Variants in RORB observed in about 807,000 individuals in gnomAD.
The protein encoded by RORB is nuclear receptor ROR-beta.
In RORB, 6 loss-of-function variants were observed where a neutral mutation model predicts 59.1. The ratio of observed to expected loss-of-function variants is 0.10; its 90% CI spans 0.06 to 0.20. RORB has a LOEUF of 0.20. Ranked by LOEUF, RORB falls within the 10% of genes least tolerant of loss-of-function variation. The probability of loss-of-function intolerance (pLI) is 1.00; values close to 1 mark genes in which losing one functional copy is unlikely to be tolerated. For synonymous variants in RORB, 215 were observed against 204.5 expected (o/e 1.05, Z -0.44); for missense variants, 320 against 560.5 (o/e 0.57, Z 4.33).
Position 74,691,144 on chromosome 9 carries a change from A to C in RORB, c.*5526A>C, listed in dbSNP as rs1307913547. 6.6e-6 allele frequency: 1 copy of C among 152,194 alleles called. No individual in the cohort carries two copies. The allele number at this position is 152,194 out of a possible 1,614,324, so 9.4% of individuals were successfully genotyped here. The stretch of plus-strand genomic sequence containing the variant: ...GAAATTCCTCCGATGTGAATGGGCC[A>C]TAGTAATCTTTGCCTCCTGCGTGAC... On this transcript the variant is annotated 3_prime_UTR_variant, in exon 10 of 10. Transcript: ENST00000376896.
chr9:74,632,728 A>G (rs1156625185), intron 2 of RORB, among the ~76,000 whole-genome samples: 3 of 152,198 alleles, frequency 2.0e-5, no homozygotes, highest in Non-Finnish European at 2.9e-5. Context: ...GCACTAGAGT[A>G]TCCAAAGATA....
intron 1 of RORB, among the ~76,000 whole-genome samples, chr9:74,503,129 AG>A (rs1825823917): frequency 6.6e-6 from 1 of 152,228 alleles, no homozygotes; most frequent in African/African-American, 2.4e-5. Context: ...TCTAAAGGAT[AG>A]AAATCAAGCT....
chr9:74,572,445 A>G (rs1293142452), intron 1 of RORB, among the ~76,000 whole-genome samples: 2 of 152,140 alleles, frequency 1.3e-5, no homozygotes, highest in Non-Finnish European at 2.9e-5. Flanking sequence ...CATGCAAGCT[A>G]TTTTTGGAGA....
chr9:74,657,519 C>T (rs72614684), intron 4 of RORB, among the ~76,000 whole-genome samples: 12,700 of 152,130 alleles, frequency 0.083, 908 homozygotes, highest in East Asian at 0.43. Flanking sequence ...ATTCCCTCTA[C>T]CTGGGATACA....
chr9:74,609,270 A>C (rs1823197359), intron 1 of RORB, among the ~76,000 whole-genome samples: 1 of 152,200 alleles, frequency 6.6e-6, no homozygotes, highest in Non-Finnish European at 1.5e-5. Context: ...TAACTTCCCA[A>C]CACTGCATAG....
chr9:74,553,571 A>AC (rs1419925772), intron 1 of RORB, among the ~76,000 whole-genome samples: 7 of 143,902 alleles, frequency 4.9e-5, no homozygotes, highest in Admixed American at 1.4e-4. Flanking sequence ...CAAAAATGTG[A>AC]TTTTTAAATG....
intron 4 of RORB, among the ~76,000 whole-genome samples, chr9:74,644,552 C>G (rs1823864684): frequency 6.6e-6 from 1 of 152,140 alleles, no homozygotes; most frequent in African/African-American, 2.4e-5. Flanking sequence ...AGAGTCCCTC[C>G]ACTCCTCTGT....
intron 1 of RORB, among the ~76,000 whole-genome samples, chr9:74,561,839 T>G (rs1318400334): frequency 6.6e-6 from 1 of 152,242 alleles, no homozygotes; most frequent in African/African-American, 2.4e-5. Flanking sequence ...GTGCATTTAG[T>G]TGATGATGTG....
chr9:74,545,004 G>A (rs549382341), intron 1 of RORB, among the ~76,000 whole-genome samples: 3 of 152,180 alleles, frequency 2.0e-5, no homozygotes, highest in South Asian at 2.1e-4. Flanking sequence ...ATATTGCAGC[G>A]CTTGAATATG....
intron 1 of RORB, among the ~76,000 whole-genome samples, chr9:74,580,775 A>T (rs918790213): frequency 2.0e-5 from 3 of 152,308 alleles, no homozygotes; most frequent in Non-Finnish European, 2.9e-5. Flanking sequence ...TAGTGATGTC[A>T]TCTTACCTTG....
At chr9:74,678,470 C>T (rs1192845703) in intron 9 of RORB, among the ~76,000 whole-genome samples, 6 of 151,924 alleles carry the variant, frequency 3.9e-5, no homozygotes, top group African/African-American at 1.5e-4. Flanking sequence ...TCTATTATAA[C>T]AATAATGAAT....
intron 4 of RORB, among the ~76,000 whole-genome samples, chr9:74,650,134 G>C (rs891290631): frequency 6.6e-6 from 1 of 152,204 alleles, no homozygotes; most frequent in Non-Finnish European, 1.5e-5. Flanking sequence ...AGGAGGTTCT[G>C]CCTGTGACTT....
intron 1 of RORB, among the ~76,000 whole-genome samples, chr9:74,592,036 G>T (rs778561951): frequency 2.6e-5 from 4 of 151,862 alleles, no homozygotes; most frequent in Non-Finnish European, 5.9e-5. Flanking sequence ...TTTTGGTTTC[G>T]CAAAATAGGA....
intron 1 of RORB, among the ~76,000 whole-genome samples, chr9:74,549,831 C>G (rs1467950672): frequency 6.6e-6 from 1 of 151,968 alleles, no homozygotes; most frequent in Admixed American, 6.6e-5. Flanking sequence ...CGGGTTCAAG[C>G]GATTCTCCTG....
intron 6 of RORB, among the ~76,000 whole-genome samples, chr9:74,664,205 G>A (rs1287273511): frequency 6.6e-6 from 1 of 152,114 alleles, no homozygotes; most frequent in Non-Finnish European, 1.5e-5. Flanking sequence ...ATTTAGAATT[G>A]CATCAACAAC....
chr9:74,508,944 C>T (rs1286539402), intron 1 of RORB, among the ~76,000 whole-genome samples: 1 of 151,650 alleles, frequency 6.6e-6, no homozygotes, highest in Non-Finnish European at 1.5e-5. Flanking sequence ...TTTTTGCCAC[C>T]CCTGTATTCG....
At chr9:74,576,542 G>C (rs759722594) in intron 1 of RORB, among the ~76,000 whole-genome samples, 1 of 152,086 alleles carries the variant, frequency 6.6e-6, no homozygotes, top group Non-Finnish European at 1.5e-5. Context: ...CCTTGTACAT[G>C]TCATGATGAT....
At chr9:74,561,844 G>A (rs1372956139) in intron 1 of RORB, among the ~76,000 whole-genome samples, 6 of 152,128 alleles carry the variant, frequency 3.9e-5, no homozygotes, top group African/African-American at 1.4e-4. Context: ...TTTAGTTGAT[G>A]ATGTGTTTCT....
rs905053342 is a variant in RORB at position 74,601,560 on chromosome 9, C to A, written c.8-28722C>A. 2.6e-5 allele frequency among the ~76,000 whole-genome samples: 4 copies of A among 152,192 alleles called. No homozygotes were observed. In the Middle Eastern group the frequency reaches 0.01, roughly 388 times the overall value. Reference sequence around the variant, plus strand: ...ATAAAAGTTTGTCTTCCCTCAAGGACATCACATTAAATTTGGAAGTTTAAA... The same window carrying A: ...ATAAAAGTTTGTCTTCCCTCAAGGAAATCACATTAAATTTGGAAGTTTAAA... On this transcript the variant is annotated intron_variant, in intron 1 of 9. Transcript: ENST00000376896.
Sources: gnomAD v4.1 joint callset for allele counts (sites outside exome capture counted in the v4.1 genomes callset) on GRCh38, gnomAD v4.1.1 for gene constraint, MANE v1.5 for transcripts, NCBI Gene and HGNC (gene_info 2026-07-23, HGNC 2026-07-21) for gene names.